RPGRIP1L: variants seen among roughly 807,000 people sequenced by gnomAD.
RPGRIP1L encodes the protein protein fantom.
A neutral mutation model predicts 160.4 loss-of-function variants in RPGRIP1L; 131 were observed. That is an observed-to-expected ratio of 0.82 (90% CI 0.71 to 0.94). The LOEUF is 0.94. RPGRIP1L is among the 40% of genes least tolerant of loss of function. The pLI, the probability that RPGRIP1L is intolerant of heterozygous loss-of-function variation, is 0.00. For synonymous variants in RPGRIP1L, 510 were observed against 515.8 expected (o/e 0.99, Z 0.15); for missense variants, 1,522 against 1,535.8 (o/e 0.99, Z 0.15).
intron 17 of RPGRIP1L, 88 bp downstream of exon 17, chr16:53,645,537 A>G: frequency 8.0e-7 from 1 of 1,248,916 alleles, no homozygotes; most frequent in Non-Finnish European, 1.1e-6. Context: ...GGTTAGGGTG[A>G]TTAGTTATAA....
At chr16:53,639,027 A>G (rs1338534237) in intron 19 of RPGRIP1L, among the ~76,000 whole-genome samples, 1 of 151,836 alleles carries the variant, frequency 6.6e-6, no homozygotes, top group Non-Finnish European at 1.5e-5. Flanking sequence ...ATGATTATAA[A>G]CTACTCATGT....
intron 25 of RPGRIP1L, among the ~76,000 whole-genome samples, chr16:53,605,889 C>A (rs1963651152): frequency 6.6e-6 from 1 of 152,108 alleles, no homozygotes; most frequent in African/African-American, 2.4e-5. Flanking sequence ...AAGAGAAGGA[C>A]CAGATGTTCA....
intron 24 of RPGRIP1L, among the ~76,000 whole-genome samples, chr16:53,615,889 G>A (rs990821975): frequency 8.5e-5 from 13 of 152,072 alleles, no homozygotes; most frequent in African/African-American, 2.7e-4. Flanking sequence ...GAGCCACCAC[G>A]CCCAGCCAGG....
In RPGRIP1L at chr16:53,656,567, C is replaced by T. The variant is rs371028848; in HGVS notation, c.1604G>A (p.Arg535His). Reference sequence around the variant, plus strand: ...ATCTTGCTGCAAATTTTCCATCTTACGGGTCACTGCCTCAACCTCCATCTA... The same window carrying T: ...ATCTTGCTGCAAATTTTCCATCTTATGGGTCACTGCCTCAACCTCCATCTA... ...DYQMEVEAVT[R>H]KMENLQQDYE... Residue 535 changes from arginine (R) to histidine (H), a missense_variant, in exon 14 of 27, where the codon CGT becomes CAT. Transcript: ENST00000647211. 5.2e-5 allele frequency: 84 copies of T among 1,612,908 alleles called. 1 individual carries two copies. In the South Asian group the frequency reaches 5.9e-4, roughly 11 times the overall value.
rs192852788 is a variant in RPGRIP1L, at chr16:53,657,260, C to A, written c.1581+193G>T. Among the ~76,000 whole-genome samples, 334 of 151,584 alleles carry A rather than the reference C, an allele frequency of 2.2e-3. 1 individual carries two copies. Among genetic ancestry groups the A allele is most frequent in the African/African-American group, 7.7e-3 (320 of 41,318 alleles). On this transcript the variant is annotated intron_variant, in intron 13 of 26. Transcript: ENST00000647211. ...TGTCTCAAAAAAAAAACCAAAAAAA[C>A]CCCACATTATTTGTTTTAAAACTAT... is the stretch of plus-strand genomic sequence containing the variant.
intron 24 of RPGRIP1L, among the ~76,000 whole-genome samples, chr16:53,611,725 T>C (rs1040711402): frequency 3.3e-5 from 5 of 152,238 alleles, no homozygotes; most frequent in Non-Finnish European, 5.9e-5. Context: ...CGGTGAACAC[T>C]TGACATTGTA....
chr16:53,656,656 T>G lies in RPGRIP1L; in HGVS notation c.1582-67A>C, dbSNP rs1334767610. 2.6e-6 allele frequency: 3 copies of G among 1,153,436 alleles called. No individual in the cohort carries two copies. In the East Asian group the frequency reaches 7.0e-5, roughly 27 times the overall value. 71.5% of individuals were successfully genotyped at this position (1,153,436 alleles called of 1,614,324 possible). A position where few individuals can be genotyped will look rare whatever the true frequency, so the allele number is the denominator to read the frequency against. Reference sequence around the variant, plus strand: ...TTCTATTTTCATTATTCAAAGCAACTATGATTCAAGCATTTTCTAGATCCT... The same window carrying G: ...TTCTATTTTCATTATTCAAAGCAACGATGATTCAAGCATTTTCTAGATCCT... On this transcript the variant is annotated intron_variant, in intron 13 of 26. Transcript: ENST00000647211.
Position 53,642,737 on chromosome 16 carries a change from C to G in RPGRIP1L, c.2684-1262G>C, listed in dbSNP as rs373722997. Among the ~76,000 whole-genome samples, 23 of 152,290 alleles carry G rather than the reference C, an allele frequency of 1.5e-4. No individual in the cohort carries two copies. The East Asian group carries it at 2.5e-3, about 17-fold the overall frequency. On this transcript the variant is annotated intron_variant, in intron 17 of 26. Coordinates refer to ENST00000647211, the MANE Select transcript of RPGRIP1L (RefSeq NM_015272.5). ...TGCTCTCATCTTACCCTTTCTCCCC[C>G]ACTCCCATTTTGGAGAATTTCTGCC... is the stretch of plus-strand genomic sequence containing the variant.
rs78609412 is a variant in RPGRIP1L, at chr16:53,700,277, A to C, written c.85+362T>G. ...CACTTAAAATACGGCCTTTCCTCCC[A>C]TATAAAATTTAAACACAAAGAAATG... On this transcript the variant is annotated intron_variant, in intron 2 of 26. Coordinates refer to ENST00000647211, the MANE Select transcript of RPGRIP1L (RefSeq NM_015272.5). Among the ~76,000 whole-genome samples the C allele has an allele frequency of 1.4e-4, 21 of 152,380 alleles. No individual in the cohort carries two copies. The East Asian group carries it at 3.9e-3, about 28-fold the overall frequency.
chr16:53,631,836 A>G (rs936853250), intron 22 of RPGRIP1L, among the ~76,000 whole-genome samples: 4 of 152,192 alleles, frequency 2.6e-5, no homozygotes, highest in Non-Finnish European at 5.9e-5. Flanking sequence ...CACTTGCGCT[A>G]TGTGGCACTT....
chr16:53,633,449 C>G (rs972719968), intron 22 of RPGRIP1L, among the ~76,000 whole-genome samples: 8 of 152,068 alleles, frequency 5.3e-5, no homozygotes, highest in Non-Finnish European at 1.2e-4. Context: ...TTATAAAACA[C>G]TACAAGAAAG....
intron 22 of RPGRIP1L, among the ~76,000 whole-genome samples, chr16:53,622,706 T>A (rs1480849560): frequency 4.6e-5 from 7 of 151,878 alleles, no homozygotes; most frequent in African/African-American, 1.7e-4. Context: ...GGCAGATTGC[T>A]TAAGCCCAGG....
chr16:53,635,100 A>G (rs1363557799), intron 22 of RPGRIP1L, among the ~76,000 whole-genome samples: 1 of 152,214 alleles, frequency 6.6e-6, no homozygotes, highest in African/African-American at 2.4e-5. Context: ...CCAGTTTATT[A>G]GAAAGAAAAA....
intron 1 of RPGRIP1L, 46 bp from the exon 2 acceptor site, chr16:53,700,776 A>AT (rs1472371078): frequency 7.0e-7 from 1 of 1,430,226 alleles, no homozygotes; most frequent in South Asian, 1.2e-5. Flanking sequence ...AAATTATTAC[A>AT]TTAACTATGC....
chr16:53,696,727 C>A lies in RPGRIP1L; in HGVS notation c.86-432G>T, dbSNP rs531006004. Among the ~76,000 whole-genome samples the A allele has an allele frequency of 1.5e-4, 23 of 152,182 alleles. No homozygotes were observed. In the South Asian group the frequency reaches 4.8e-3, roughly 32 times the overall value. Reference sequence around the variant, plus strand: ...AGATATTTTTCTGTGCTATGAGTGTCTTAGAAAACAAACTATAAAAGTTGT... The same window carrying A: ...AGATATTTTTCTGTGCTATGAGTGTATTAGAAAACAAACTATAAAAGTTGT... On this transcript the variant is annotated intron_variant, in intron 2 of 26. Coordinates refer to ENST00000647211, the MANE Select transcript of RPGRIP1L (RefSeq NM_015272.5).
chr16:53,656,444 G>T, intron 14 of RPGRIP1L, 28 bp downstream of exon 14: 2 of 1,414,940 alleles, frequency 1.4e-6, no homozygotes, highest in Non-Finnish European at 2.0e-6. Context: ...TCTAGTTACT[G>T]TGGACCAAAA....
intron 16 of RPGRIP1L, among the ~76,000 whole-genome samples, chr16:53,648,087 G>C (rs915410800): frequency 3.3e-5 from 4 of 122,724 alleles, no homozygotes; most frequent in Non-Finnish European, 4.8e-5. Flanking sequence ...CTGGGTGACA[G>C]AGCAAGACTC....
intron 17 of RPGRIP1L, among the ~76,000 whole-genome samples, chr16:53,642,817 T>C (rs1356559542): frequency 6.6e-6 from 1 of 152,122 alleles, no homozygotes; most frequent in Admixed American, 6.5e-5. Flanking sequence ...GCTGACTATA[T>C]GTGGAGCAAA....
intron 17 of RPGRIP1L, among the ~76,000 whole-genome samples, chr16:53,645,221 AAAGAATAT>A (rs1483648735): frequency 6.6e-6 from 1 of 152,110 alleles, no homozygotes; most frequent in Admixed American, 6.6e-5. Context: ...TAACCTCTTT[AAAGAATAT>A]AAGATTTTAT....
Sources: allele counts gnomAD v4.1 joint callset (sites outside exome capture counted in the v4.1 genomes callset), GRCh38; gene constraint gnomAD v4.1.1; transcripts MANE v1.5; gene names NCBI Gene and HGNC (gene_info 2026-07-23, HGNC 2026-07-21).